The following GLP1R variants were observed in gnomAD, a reference collection of about 807,000 sequenced individuals.
GLP1R encodes the protein glucagon like peptide 1 receptor.
A neutral mutation model predicts 68.4 loss-of-function variants in GLP1R; 32 were observed. That is an observed-to-expected ratio of 0.47 (90% CI 0.35 to 0.63). The LOEUF is 0.63. GLP1R is among the 20% of genes least tolerant of loss of function. The probability of loss-of-function intolerance (pLI) is 0.00; values close to 1 mark genes in which losing one functional copy is unlikely to be tolerated. For synonymous variants in GLP1R, 263 were observed against 244.4 expected, an observed-to-expected ratio of 1.08 and a Z score of -0.71; for missense variants, 502 against 594.9, an observed-to-expected ratio of 0.84 and a Z score of 1.62.
chr6:39,054,611 G>C (rs1021142446), intron 1 of GLP1R, among the ~76,000 whole-genome samples: 4 of 152,150 alleles, frequency 2.6e-5, no homozygotes, highest in African/African-American at 9.7e-5. Context: ...TGGCGCTGTC[G>C]TTAACCCCTC....
At chr6:39,060,249 A>G (rs1274579803) in intron 3 of GLP1R, among the ~76,000 whole-genome samples, 1 of 152,164 alleles carries the variant, frequency 6.6e-6, no homozygotes, top group Non-Finnish European at 1.5e-5. Context: ...TCTTGGGCTG[A>G]TCAAGCGAGT....
In GLP1R at chr6:39,087,899, T is replaced by C. The variant is rs1202056558; in HGVS notation, c.*1826T>C. Among the ~76,000 whole-genome samples, 1 of 152,164 alleles carries C rather than the reference T, an allele frequency of 6.6e-6. No homozygotes were observed. The highest frequency in any genetic ancestry group is 1.5e-5 in the Non-Finnish European group (1 of 68,028). On this transcript the variant is annotated 3_prime_UTR_variant, in exon 13 of 13. Coordinates refer to ENST00000373256, the MANE Select transcript of GLP1R (RefSeq NM_002062.5). ...CAGGCTTCCCAAAGGCACCCCTTAT[T>C]TGCTGTCTCTTCGTAAGCGTGGGCA... is the stretch of plus-strand genomic sequence containing the variant.
intron 12 of GLP1R, among the ~76,000 whole-genome samples, chr6:39,081,702 A>G (rs1286449860): frequency 6.6e-6 from 1 of 152,178 alleles, no homozygotes; most frequent in Non-Finnish European, 1.5e-5. Context: ...GAGCTATGAG[A>G]TGGCTCAAAG....
In GLP1R at chr6:39,086,021, C is replaced by T. The variant is rs1249883851; in HGVS notation, c.1340C>T (p.Ala447Val). Residue 447 changes from alanine to valine, a missense_variant, in exon 13 of 13, where the codon GCC (alanine) becomes GTC (valine). By Grantham distance (64) the Ala-to-Val change is moderately conservative. Coordinates refer to ENST00000373256, the MANE Select transcript of GLP1R (RefSeq NM_002062.5). The surrounding 1 kb of genome is among the most constrained non-coding windows in gnomAD (Gnocchi z 4.5). ...KCPTSSLSSG[A>V]TAGSSMYTAT... is the part of the protein sequence containing the mutation. ...CCCACCAGCAGCCTGAGCAGTGGAG[C>T]CACGGCGGGCAGCAGCATGTACACA... The T allele has an allele frequency of 2.5e-6, 4 of 1,613,950 alleles. No homozygotes were observed. Among genetic ancestry groups the T allele is most frequent in the Non-Finnish European group, 3.4e-6 (4 of 1,179,954 alleles).
At chr6:39,052,093 A>C (rs1007445157) in intron 1 of GLP1R, among the ~76,000 whole-genome samples, 1 of 151,872 alleles carries the variant, frequency 6.6e-6, no homozygotes, top group Admixed American at 6.6e-5. Flanking sequence ...TCAGTGTCTC[A>C]GTATTGGGAA....
chr6:39,066,401 C>T, intron 5 of GLP1R, 98 bp downstream of exon 5: 1 of 662,846 alleles, frequency 1.5e-6, no homozygotes, highest in Non-Finnish European at 2.7e-6. Flanking sequence ...AACAGTGCAG[C>T]ACATTCGTCC....
rs200771257 is a variant in GLP1R, at chr6:39,066,277, C to A, written c.483C>A (p.Ile161=). 23 of 1,610,918 alleles carry A rather than the reference C, an allele frequency of 1.4e-5. 2 individuals carry two copies. In the South Asian group the frequency reaches 2.1e-4, roughly 15 times the overall value. ...CACTCTCCTTCTCTGCTCTGGTTAT[C>A]GCCTCTGCGATCCTCCTCGGCTTCA... ...GYALSFSALV[I]ASAILLGFRH... Residue 161 remains isoleucine (I), a synonymous_variant, in exon 5 of 13, where the codon ATC becomes ATA. Transcript: ENST00000373256.
Position 39,080,722 on chromosome 6 carries a change from T to G in GLP1R, c.1207T>G (p.Cys403Gly), listed in dbSNP as rs1768984322. ...GGGGCTGATGGTGGCCATATTATAC[T>G]GCTTTGTCAACAATGAGGTAAGCTC... ...FQGLMVAILY[C>G]FVNNEVQLEF... is the part of the protein sequence containing the mutation. The change falls in exon 12 of 13, where the codon TGC becomes GGC. Residue 403 changes from cysteine (C) to glycine (G), a missense_variant. Coordinates refer to ENST00000373256, the MANE Select transcript of GLP1R (RefSeq NM_002062.5). 18 of 1,597,774 alleles carry G rather than the reference T, an allele frequency of 1.1e-5. No homozygotes were observed. The highest frequency in any genetic ancestry group is 1.5e-5 in the Non-Finnish European group (18 of 1,171,066).
chr6:39,070,619 G>A (rs1370752326), intron 5 of GLP1R, among the ~76,000 whole-genome samples: 3 of 152,140 alleles, frequency 2.0e-5, no homozygotes, highest in African/African-American at 7.2e-5. Flanking sequence ...CCAATATTTA[G>A]TGTCTTCAGA....
At chr6:39,069,002 C>T (rs1768589653) in intron 5 of GLP1R, among the ~76,000 whole-genome samples, 1 of 152,144 alleles carries the variant, frequency 6.6e-6, no homozygotes, top group South Asian at 2.1e-4. Context: ...TTAAGTTCTC[C>T]TTCTCTTTTG....
chr6:39,056,763 T>C (rs922898879), intron 2 of GLP1R, among the ~76,000 whole-genome samples: 5 of 152,202 alleles, frequency 3.3e-5, no homozygotes, highest in African/African-American at 1.2e-4. Context: ...TGGCCCTTAC[T>C]CGTTTGCTGT....
chr6:39,083,384 C>T (rs1769060049), intron 12 of GLP1R, among the ~76,000 whole-genome samples: 1 of 152,234 alleles, frequency 6.6e-6, no homozygotes, highest in Non-Finnish European at 1.5e-5. Flanking sequence ...AGCTGTTCTG[C>T]AGACCCAGGG....
At chr6:39,059,234 A>G (rs1343619575) in intron 3 of GLP1R, among the ~76,000 whole-genome samples, 1 of 152,226 alleles carries the variant, frequency 6.6e-6, no homozygotes, top group Non-Finnish European at 1.5e-5. Context: ...CAACCCTCTG[A>G]GGCAAGTACT....
intron 1 of GLP1R, among the ~76,000 whole-genome samples, chr6:39,054,399 G>A (rs1768162869): frequency 6.6e-6 from 1 of 151,266 alleles, no homozygotes; most frequent in South Asian, 2.1e-4. Context: ...ATCTGGTGTA[G>A]GGAGGGGACA....
rs1160111219 is a variant in GLP1R, at chr6:39,072,991, G to A, written c.639G>A (p.Gln213=). 1.9e-6 allele frequency: 3 copies of A among 1,613,994 alleles called. No individual in the cohort carries two copies. Among genetic ancestry groups the A allele is most frequent in the African/African-American group, 2.7e-5 (2 of 74,952 alleles). Residue 213 remains glutamine, a synonymous_variant, in exon 6 of 13, where the codon CAG becomes CAA. Transcript: ENST00000373256. ...ATAGCACAGCCGCCCAGCAGCACCA[G>A]TGGGATGGGCTCCTCTCCTACCAGG... is the stretch of plus-strand genomic sequence containing the variant. The part of the protein sequence containing the change: ...WMYSTAAQQH[Q]WDGLLSYQDS...
chr6:39,071,273 G>A (rs12206797), intron 5 of GLP1R, among the ~76,000 whole-genome samples: 8,221 of 148,646 alleles, frequency 0.055, 298 homozygotes, highest in Non-Finnish European at 0.082. Flanking sequence ...TTGAACCCAG[G>A]AGGTGGAGGC....
chr6:39,090,426 C>T lies in GLP1R; in HGVS notation c.*4353C>T, dbSNP rs557792233. On this transcript the variant is annotated 3_prime_UTR_variant, in exon 13 of 13. Coordinates refer to ENST00000373256, the MANE Select transcript of GLP1R (RefSeq NM_002062.5). ...GTCTAGCAGTGGCTCCATTTTTCCC[C>T]GATGCATCCAACTTCCCTCCCTGCA... Among the ~76,000 whole-genome samples, 9 of 152,262 alleles carry T rather than the reference C, an allele frequency of 5.9e-5. No homozygotes were observed. The highest frequency in any genetic ancestry group is 3.9e-4 in the East Asian group (2 of 5,186).
rs1768741034 is a variant in GLP1R at position 39,073,862 on chromosome 6, G to A, written c.823+93G>A. ...CATGGTACTTGGAACGCACTGCTGAGCAAGGGGCAAGGCCCACTGGGTAAC... is the reference window on the plus strand; with the variant it reads ...CATGGTACTTGGAACGCACTGCTGAACAAGGGGCAAGGCCCACTGGGTAAC... On this transcript the variant is annotated intron_variant, in intron 7 of 12. Transcript: ENST00000373256. 6.2e-6 allele frequency: 7 copies of A among 1,126,096 alleles called. No homozygotes were observed. In the East Asian group the frequency reaches 7.1e-5, roughly 11 times the overall value. 69.8% of individuals were successfully genotyped at this position (1,126,096 alleles called of 1,614,324 possible). A position where few individuals can be genotyped will look rare whatever the true frequency, so the allele number is the denominator to read the frequency against.
chr6:39,069,371 C>T (rs765511607), intron 5 of GLP1R, among the ~76,000 whole-genome samples: 9 of 152,158 alleles, frequency 5.9e-5, no homozygotes, highest in Non-Finnish European at 1.0e-4. Context: ...CAGTGGCTCA[C>T]GCCTGTAATC....
Sources: allele counts gnomAD v4.1 joint callset (sites outside exome capture counted in the v4.1 genomes callset), GRCh38; gene constraint gnomAD v4.1.1; non-coding constraint Gnocchi (gnomAD v3.1); transcripts MANE v1.5; gene names NCBI Gene and HGNC (gene_info 2026-07-23, HGNC 2026-07-21).